SRGAP1: variants seen among roughly 807,000 people sequenced by gnomAD.
SRGAP1 encodes the protein SLIT-ROBO Rho GTPase activating protein 1.
SRGAP1 carries 43 observed loss-of-function variants against 121.9 expected under a neutral mutation model. That is an observed-to-expected ratio of 0.35 (90% CI 0.28 to 0.46). The LOEUF (loss-of-function observed/expected upper bound fraction) is 0.46, where lower values mean the gene tolerates loss of function less well. Ranked by LOEUF, SRGAP1 falls within the 20% of genes least tolerant of loss-of-function variation. The pLI is 1.00. For synonymous variants in SRGAP1, 447 were observed against 485.4 expected (o/e 0.92, Z 1.04); for missense variants, 1,102 against 1,350.9 (o/e 0.82, Z 2.89).
At chr12:64,017,389 G>A (rs967990349) in intron 4 of SRGAP1, among the ~76,000 whole-genome samples, 1 of 152,102 alleles carries the variant, frequency 6.6e-6, no homozygotes, top group African/African-American at 2.4e-5. Flanking sequence ...ATTGTGGCCA[G>A]GCGTGGTGTA....
intron 1 of SRGAP1, among the ~76,000 whole-genome samples, chr12:63,898,035 A>C (rs190204501): frequency 1.3e-5 from 2 of 152,368 alleles, no homozygotes; most frequent in East Asian, 3.9e-4. Context: ...GTGATAAGAA[A>C]GCAGAGCTCG....
At chr12:64,110,733 TA>T (rs1247820564) in intron 16 of SRGAP1, among the ~76,000 whole-genome samples, 1 of 152,206 alleles carries the variant, frequency 6.6e-6, no homozygotes, top group Non-Finnish European at 1.5e-5. Flanking sequence ...TGTGATTTTT[TA>T]AAAAATATTG....
At chr12:63,864,842 T>C (rs971727085) in intron 1 of SRGAP1, among the ~76,000 whole-genome samples, 2 of 152,092 alleles carry the variant, frequency 1.3e-5, no homozygotes, top group Non-Finnish European at 2.9e-5. Context: ...GGATGAACTT[T>C]AGTGAATTAG....
intron 1 of SRGAP1, among the ~76,000 whole-genome samples, chr12:63,865,721 G>T (rs866454805): frequency 6.6e-6 from 1 of 152,162 alleles, no homozygotes; most frequent in Non-Finnish European, 1.5e-5. Context: ...GAGAAGAATT[G>T]GGCCTTTCCT....
rs577324662 is a variant in SRGAP1 at position 64,157,615 on chromosome 12, C to A, written c.*14943C>A. ...AAAAATGATCAGGATTCAATAAATT[C>A]TGGATAGAAAAAAGAATAAAATGTC... On this transcript the variant is annotated 3_prime_UTR_variant, in exon 22 of 22. Coordinates refer to ENST00000355086, the MANE Select transcript of SRGAP1 (RefSeq NM_020762.4). 2 of 152,116 alleles carry A rather than the reference C, an allele frequency of 1.3e-5. No individual in the cohort carries two copies. The highest frequency in any genetic ancestry group is 4.1e-4 in the South Asian group (2 of 4,820). 9.4% of individuals were successfully genotyped at this position (152,116 alleles called of 1,614,324 possible).
At chr12:63,998,994 A>G (rs2033797312) in intron 3 of SRGAP1, among the ~76,000 whole-genome samples, 1 of 152,098 alleles carries the variant, frequency 6.6e-6, no homozygotes, top group Admixed American at 6.6e-5. Context: ...TTACAATCTT[A>G]ATTACAGAAC....
chr12:63,996,714 A>G (rs2136427652), intron 3 of SRGAP1, among the ~76,000 whole-genome samples: 1 of 152,246 alleles, frequency 6.6e-6, no homozygotes, highest in East Asian at 1.9e-4. Flanking sequence ...AGTGTTGCAG[A>G]AGAATTAAAT....
At chr12:64,142,188 T>G (rs2036975339) in intron 21 of SRGAP1, 107 bp from the exon 22 acceptor site, 1 of 1,147,992 alleles carries the variant, frequency 8.7e-7, no homozygotes, top group African/African-American at 1.5e-5. Context: ...GTCAAAGATA[T>G]CCATACTCTG....
intron 1 of SRGAP1, among the ~76,000 whole-genome samples, chr12:63,960,138 G>A (rs1398468407): frequency 2.6e-5 from 4 of 152,176 alleles, no homozygotes; most frequent in Non-Finnish European, 5.9e-5. Context: ...ATGCCTGCGT[G>A]TTTGGTCCAA....
intron 1 of SRGAP1, among the ~76,000 whole-genome samples, chr12:63,897,385 T>G (rs1179797594): frequency 6.6e-6 from 1 of 152,238 alleles, no homozygotes; most frequent in Non-Finnish European, 1.5e-5. Flanking sequence ...GAGCAATGCT[T>G]ATGAGAATAA....
At position 64,155,319 on chromosome 12, in the gene SRGAP1, A is replaced by C. The variant is rs920810159; in HGVS notation, c.*12647A>C. 1.3e-5 allele frequency: 2 copies of C among 152,150 alleles called. No individual in the cohort carries two copies. The highest frequency in any genetic ancestry group is 4.8e-5 in the African/African-American group (2 of 41,422). The allele number at this position is 152,150 out of a possible 1,614,324, so 9.4% of individuals were successfully genotyped here. The stretch of plus-strand genomic sequence containing the variant: ...CACTTTGGGAGGCCGAGACAGGCGG[A>C]TCACCTGAGGTCAGGAGTTTGAGAC... On this transcript the variant is annotated 3_prime_UTR_variant, in exon 22 of 22. Coordinates refer to ENST00000355086, the MANE Select transcript of SRGAP1 (RefSeq NM_020762.4).
chr12:64,125,011 T>C (rs1328284749), intron 18 of SRGAP1, among the ~76,000 whole-genome samples: 1 of 152,198 alleles, frequency 6.6e-6, no homozygotes, highest in African/African-American at 2.4e-5. Context: ...TACAGTTTTA[T>C]CACATGTATA....
intron 1 of SRGAP1, among the ~76,000 whole-genome samples, chr12:63,964,832 A>G (rs1397018935): frequency 6.6e-6 from 1 of 152,202 alleles, no homozygotes; most frequent in African/African-American, 2.4e-5. Flanking sequence ...ACTATGTAAT[A>G]TTGAGTCACT....
At chr12:63,852,184 T>G (rs1899098400) in intron 1 of SRGAP1, among the ~76,000 whole-genome samples, 1 of 152,100 alleles carries the variant, frequency 6.6e-6, no homozygotes, top group South Asian at 2.1e-4. Context: ...AGACGGGTTT[T>G]GGCCATGTTG....
intron 1 of SRGAP1, among the ~76,000 whole-genome samples, chr12:63,872,630 A>G (rs2098304839): frequency 2.0e-5 from 3 of 152,224 alleles, no homozygotes; most frequent in South Asian, 2.1e-4. Context: ...GGAATTAAGT[A>G]TCATAAGTTC....
chr12:64,000,239 GGT>G (rs58289093), intron 3 of SRGAP1, among the ~76,000 whole-genome samples: 2,153 of 131,494 alleles, frequency 0.016, 22 homozygotes, highest in African/African-American at 0.029. Flanking sequence ...GAAAGGTAGG[GGT>G]GTGTGTGTGT....
intron 1 of SRGAP1, among the ~76,000 whole-genome samples, chr12:63,964,967 G>A (rs938770134): frequency 5.9e-5 from 9 of 152,104 alleles, no homozygotes; most frequent in African/African-American, 1.2e-4. Context: ...AGGCTTATAC[G>A]GGGAAAAAAT....
chr12:63,916,271 C>A (rs1233032450), intron 1 of SRGAP1, among the ~76,000 whole-genome samples: 1 of 152,048 alleles, frequency 6.6e-6, no homozygotes, highest in Admixed American at 6.5e-5. Context: ...GGGATCTGCC[C>A]ACCTTGACCT....
chr12:63,886,521 G>C (rs900193142), intron 1 of SRGAP1, among the ~76,000 whole-genome samples: 1 of 148,550 alleles, frequency 6.7e-6, no homozygotes, highest in Non-Finnish European at 1.5e-5. Context: ...TCACCTTGTC[G>C]TCCAGGCTGG....
Sources: gnomAD v4.1 joint callset for allele counts (sites outside exome capture counted in the v4.1 genomes callset) on GRCh38, gnomAD v4.1.1 for gene constraint, MANE v1.5 for transcripts, NCBI Gene and HGNC (gene_info 2026-07-23, HGNC 2026-07-21) for gene names.